The following PABPC4L variants were observed in gnomAD, a reference collection of about 807,000 sequenced individuals.
PABPC4L encodes polyadenylate-binding protein 4-like.
For synonymous variants in PABPC4L, 169 were observed against 164.1 expected, an observed-to-expected ratio of 1.03 and a Z score of -0.23; for missense variants, 452 against 451.4, an observed-to-expected ratio of 1.00 and a Z score of -0.01.
At chr4:134,027,730 T>C in the PABPC4L span, among the ~76,000 whole-genome samples, 1 of 152,170 alleles carries the variant, frequency 6.6e-6, no homozygotes, top group African/African-American at 2.4e-5. Context: ...TTATTTCACA[T>C]TGGATCATAA....
the PABPC4L span, among the ~76,000 whole-genome samples, chr4:134,106,803 A>C: frequency 6.6e-6 from 1 of 151,464 alleles, no homozygotes; most frequent in Non-Finnish European, 1.5e-5. Context: ...ACTCAAAAAA[A>C]TGCAGGCTTG....
the PABPC4L span, among the ~76,000 whole-genome samples, chr4:134,097,979 G>A: frequency 1.3e-5 from 2 of 151,616 alleles, no homozygotes; most frequent in African/African-American, 4.8e-5. Context: ...ATAGGGAAAG[G>A]TTCAGAAATG....
chr4:134,116,342 G>A, the PABPC4L span, among the ~76,000 whole-genome samples: 14 of 151,928 alleles, frequency 9.2e-5, 1 homozygote, highest in Non-Finnish European at 1.5e-4. Context: ...GATGCAAAGG[G>A]CAAAGGAAAA....
chr4:133,974,399 T>C, the PABPC4L span, among the ~76,000 whole-genome samples: 3 of 152,162 alleles, frequency 2.0e-5, no homozygotes, highest in Admixed American at 6.6e-5. Context: ...ACTAAGAATT[T>C]TAAATTATGA....
the PABPC4L span, among the ~76,000 whole-genome samples, chr4:134,095,935 C>T: frequency 6.6e-6 from 1 of 151,952 alleles, no homozygotes; most frequent in African/African-American, 2.4e-5. Flanking sequence ...CTAGTCACTC[C>T]CTACTCTTTT....
chr4:133,969,076 C>T, the PABPC4L span, among the ~76,000 whole-genome samples: 1 of 152,052 alleles, frequency 6.6e-6, no homozygotes, highest in Non-Finnish European at 1.5e-5. Flanking sequence ...ATTATAAATT[C>T]AAATCTCTCT....
the PABPC4L span, among the ~76,000 whole-genome samples, chr4:134,121,155 C>A: frequency 6.6e-6 from 1 of 151,152 alleles, no homozygotes; most frequent in African/African-American, 2.4e-5. Context: ...ATTCTCAATT[C>A]TTTATGATCT....
At chr4:133,969,818 GCTTAT>G in the PABPC4L span, among the ~76,000 whole-genome samples, 1 of 151,978 alleles carries the variant, frequency 6.6e-6, no homozygotes, top group African/African-American at 2.4e-5. Flanking sequence ...AAACAAAAAC[GCTTAT>G]CTTGACTATC....
chr4:134,001,045 A>G, the PABPC4L span, among the ~76,000 whole-genome samples: 3 of 152,064 alleles, frequency 2.0e-5, no homozygotes, highest in African/African-American at 7.2e-5. Flanking sequence ...CTGATAAAAC[A>G]TCTGAAGAAA....
chr4:134,069,634 T>A, the PABPC4L span, among the ~76,000 whole-genome samples: 1 of 152,358 alleles, frequency 6.6e-6, no homozygotes, highest in Non-Finnish European at 1.5e-5. Context: ...GATAGTATTC[T>A]GAAATTTTTG....
At chr4:134,086,580 T>C in the PABPC4L span, among the ~76,000 whole-genome samples, 1 of 152,000 alleles carries the variant, frequency 6.6e-6, no homozygotes, top group Admixed American at 6.6e-5. Flanking sequence ...ACCCAAAAGA[T>C]AAAAGTAGAG....
the PABPC4L span, among the ~76,000 whole-genome samples, chr4:133,967,430 A>G: frequency 6.6e-6 from 1 of 152,192 alleles, no homozygotes; most frequent in Non-Finnish European, 1.5e-5. Flanking sequence ...TACTTTGGAG[A>G]TATATATTAA....
At chr4:134,084,497 T>C in the PABPC4L span, among the ~76,000 whole-genome samples, 1 of 152,084 alleles carries the variant, frequency 6.6e-6, no homozygotes, top group Non-Finnish European at 1.5e-5. Context: ...GATGGATTTT[T>C]TTTTAAAAAA....
the PABPC4L span, among the ~76,000 whole-genome samples, chr4:134,135,825 C>T: frequency 6.6e-6 from 1 of 152,026 alleles, no homozygotes; most frequent in Non-Finnish European, 1.5e-5. Context: ...AAGAGCAAAA[C>T]TCTGTCTCAA....
the PABPC4L span, among the ~76,000 whole-genome samples, chr4:134,135,528 T>G: frequency 6.6e-6 from 1 of 152,068 alleles, no homozygotes; most frequent in African/African-American, 2.4e-5. Flanking sequence ...TGAAAAAAAT[T>G]TGGATGTTCT....
the PABPC4L span, among the ~76,000 whole-genome samples, chr4:133,960,931 C>T: frequency 6.6e-6 from 1 of 152,268 alleles, no homozygotes; most frequent in East Asian, 1.9e-4. Context: ...AGAGTCTGAG[C>T]TCAGACACAC....
At chr4:134,013,899 C>T in the PABPC4L span, among the ~76,000 whole-genome samples, 1 of 134,372 alleles carries the variant, frequency 7.4e-6, no homozygotes, top group African/African-American at 2.5e-5. Flanking sequence ...TTATCACCTC[C>T]CCTCCTCACA....
the PABPC4L span, among the ~76,000 whole-genome samples, chr4:133,960,938 A>G: frequency 3.3e-4 from 50 of 152,212 alleles, no homozygotes; most frequent in East Asian, 9.3e-3. Flanking sequence ...GAGCTCAGAC[A>G]CACATAGCCG....
At chr4:134,097,087 T>A in the PABPC4L span, among the ~76,000 whole-genome samples, 1 of 151,958 alleles carries the variant, frequency 6.6e-6, no homozygotes, top group African/African-American at 2.4e-5. Flanking sequence ...GAGAAAATGC[T>A]CATCAGAATT....
Sources: allele counts gnomAD v4.1 joint callset (sites outside exome capture counted in the v4.1 genomes callset), GRCh38; gene constraint gnomAD v4.1.1; transcripts MANE v1.5; gene names NCBI Gene and HGNC (gene_info 2026-07-23, HGNC 2026-07-21).